Variants in STIM2 observed in about 807,000 individuals in gnomAD.
STIM2 encodes the protein stromal interaction molecule 2.
A neutral mutation model predicts 85.8 loss-of-function variants in STIM2; 31 were observed. That is an observed-to-expected ratio of 0.36 (90% CI 0.27 to 0.49). The LOEUF is 0.49. STIM2 is among the 20% of genes least tolerant of loss of function. The probability of loss-of-function intolerance (pLI) is 0.98; values close to 1 mark genes in which losing one functional copy is unlikely to be tolerated. For synonymous variants in STIM2, 356 were observed against 331.1 expected (o/e 1.08, Z -0.82); for missense variants, 841 against 927.6 (o/e 0.91, Z 1.21).
intron 1 of STIM2, among the ~76,000 whole-genome samples, chr4:26,887,183 CTTTTTT>C (rs34736602): frequency 1.4e-4 from 10 of 70,950 alleles, no homozygotes; most frequent in Non-Finnish European, 2.1e-4. Flanking sequence ...AATAATTAAA[CTTTTTT>C]TTTTTTTTTT....
intron 1 of STIM2, among the ~76,000 whole-genome samples, chr4:26,871,226 T>C (rs1028738457): frequency 3.3e-5 from 5 of 152,130 alleles, no homozygotes; most frequent in African/African-American, 9.7e-5. Flanking sequence ...TCTCCATGAG[T>C]TAGTACATAT....
At chr4:26,897,587 GA>G (rs991402676) in intron 1 of STIM2, among the ~76,000 whole-genome samples, 1 of 152,034 alleles carries the variant, frequency 6.6e-6, no homozygotes, top group African/African-American at 2.4e-5. Context: ...GTATTTCAAA[GA>G]AAATCAGATA....
At chr4:26,958,428 T>A (rs187905785) in intron 3 of STIM2, among the ~76,000 whole-genome samples, 4 of 152,298 alleles carry the variant, frequency 2.6e-5, no homozygotes, top group Admixed American at 6.5e-5. Context: ...AGCATATATT[T>A]TTCTCTGAAA....
intron 2 of STIM2, among the ~76,000 whole-genome samples, chr4:26,957,020 T>A (rs1726271431): frequency 6.6e-6 from 1 of 152,034 alleles, no homozygotes; most frequent in Admixed American, 6.6e-5. Context: ...CTGTGGGGGA[T>A]TAGTTTCAGG....
At chr4:26,911,890 G>A (rs1724356188) in intron 1 of STIM2, among the ~76,000 whole-genome samples, 1 of 152,292 alleles carries the variant, frequency 6.6e-6, no homozygotes, top group South Asian at 2.1e-4. Context: ...TGTGCTAGGT[G>A]TTTGTAGTAT....
At position 27,002,916 on chromosome 4, in the gene STIM2, T is replaced by C. The variant is rs777266569; in HGVS notation, c.804-11T>C. 6.7e-7 allele frequency: 1 copy of C among 1,486,730 alleles called. No individual in the cohort carries two copies. The allele number at this position is 1,486,730 out of a possible 1,614,324, so 92.1% of individuals were successfully genotyped here. On this transcript the variant is annotated splice_polypyrimidine_tract_variant and intron_variant, in intron 6 of 11. Transcript: ENST00000467087. ...TTTTGTGAGGAATTTTTATTTTTAT[T>C]GTTCTATAAGGCTTGAAAAGGCACA... is the stretch of plus-strand genomic sequence containing the variant.
chr4:26,995,400 A>G lies in STIM2; in HGVS notation c.419A>G (p.Asp140Gly), dbSNP rs148199305. The G allele has an allele frequency of 1.7e-5, 27 of 1,588,328 alleles. No individual in the cohort carries two copies. The highest frequency in any genetic ancestry group is 1.1e-5 in the South Asian group (1 of 86,976). Reference sequence around the variant, plus strand: ...GCAGTTCATAATTGGACCCTTGAAGACACTCTTCAGTGGTTGATAGAGTTT... The same window carrying G: ...GCAGTTCATAATTGGACCCTTGAAGGCACTCTTCAGTGGTTGATAGAGTTT... The change falls in exon 4 of 12, where the codon GAC (aspartate) becomes GGC (glycine). Residue 140 changes from aspartate to glycine, a missense_variant. Around this residue, in one of 3 missense-constraint regions of STIM2, gnomAD observed 408 missense variants for 525.4 expected, o/e 0.78. Coordinates refer to ENST00000467087, the MANE Select transcript of STIM2 (RefSeq NM_020860.4).
At chr4:26,877,513 G>A (rs1344840793) in intron 1 of STIM2, among the ~76,000 whole-genome samples, 6 of 146,762 alleles carry the variant, frequency 4.1e-5, no homozygotes, top group Non-Finnish European at 7.5e-5. Flanking sequence ...TTGACGATGG[G>A]TTGTTTTTTT....
At chr4:27,001,652 T>C (rs1029429847) in intron 5 of STIM2, among the ~76,000 whole-genome samples, 1 of 152,154 alleles carries the variant, frequency 6.6e-6, no homozygotes, top group Non-Finnish European at 1.5e-5. Context: ...CTCCCCCAAG[T>C]TGAGACAACC....
chr4:26,967,777 G>A (rs1726778720), intron 3 of STIM2, among the ~76,000 whole-genome samples: 3 of 152,002 alleles, frequency 2.0e-5, no homozygotes, highest in South Asian at 4.1e-4. Context: ...TGCATTGTAT[G>A]CATCTTCGTA....
At chr4:26,977,104 G>A (rs1349809481) in intron 3 of STIM2, among the ~76,000 whole-genome samples, 1 of 152,168 alleles carries the variant, frequency 6.6e-6, no homozygotes, top group African/African-American at 2.4e-5. Flanking sequence ...GAGGTTTTTG[G>A]TTATAGATCA....
intron 1 of STIM2, among the ~76,000 whole-genome samples, chr4:26,909,685 T>G (rs1425956889): frequency 6.6e-6 from 1 of 152,236 alleles, no homozygotes; most frequent in African/African-American, 2.4e-5. Flanking sequence ...AAAATATACG[T>G]AACATAAAAT....
chr4:26,917,675 T>C (rs942350924), intron 1 of STIM2, among the ~76,000 whole-genome samples: 1 of 152,178 alleles, frequency 6.6e-6, no homozygotes, highest in African/African-American at 2.4e-5. Flanking sequence ...CACTGTTGAC[T>C]CCTCTTAGAG....
chr4:26,977,245 G>C (rs563432632), intron 3 of STIM2, among the ~76,000 whole-genome samples: 12 of 152,310 alleles, frequency 7.9e-5, no homozygotes, highest in African/African-American at 2.9e-4. Context: ...GGCTCAAGTA[G>C]CTAGAAAGTA....
intron 2 of STIM2, among the ~76,000 whole-genome samples, chr4:26,955,721 G>A (rs773255853): frequency 7.3e-6 from 1 of 136,428 alleles, no homozygotes; most frequent in African/African-American, 3.0e-5. Context: ...TTTTGATGAC[G>A]AAAGACCAGA....
chr4:26,952,587 A>G (rs1447166797), intron 2 of STIM2, among the ~76,000 whole-genome samples: 1 of 152,006 alleles, frequency 6.6e-6, no homozygotes, highest in African/African-American at 2.4e-5. Context: ...AAGCACAGAG[A>G]GTCAAGTAAC....
At chr4:26,942,084 A>G (rs540407917) in intron 2 of STIM2, among the ~76,000 whole-genome samples, 2 of 152,124 alleles carry the variant, frequency 1.3e-5, no homozygotes, top group Non-Finnish European at 2.9e-5. Context: ...CAGCAATCTA[A>G]CAACTAACTG....
In STIM2 at chr4:27,008,857, C is replaced by T. The variant is rs371632760; in HGVS notation, c.1344C>T (p.Asn448=). Residue 448 remains asparagine, a synonymous_variant, in exon 10 of 12, where the codon AAC becomes AAT. Transcript: ENST00000467087. ...TCTGTGGCTTTCAGATAGCCCATAA[C>T]TCAGGACTCCCCAGCCTGACCTCTT... is the stretch of plus-strand genomic sequence containing the variant. 1.7e-5 allele frequency: 28 copies of T among 1,614,054 alleles called. No homozygotes were observed. In the African/African-American group the frequency reaches 3.5e-4, roughly 20 times the overall value.
chr4:26,872,788 G>A (rs2109029849), intron 1 of STIM2, among the ~76,000 whole-genome samples: 1 of 152,248 alleles, frequency 6.6e-6, no homozygotes, highest in South Asian at 2.1e-4. Flanking sequence ...GAACAAGAGA[G>A]ACATAAAATA....
Sources: allele counts gnomAD v4.1 joint callset (sites outside exome capture counted in the v4.1 genomes callset), GRCh38; gene constraint gnomAD v4.1.1; regional missense constraint gnomAD v4.1.1; transcripts MANE v1.5; gene names NCBI Gene and HGNC (gene_info 2026-07-23, HGNC 2026-07-21).